The following MRPS16 variants were observed in gnomAD, a reference collection of about 807,000 sequenced individuals.
MRPS16 encodes mitochondrial ribosomal protein S16.
Under a neutral mutation model 11.0 loss-of-function variants are expected in MRPS16, and 5 were observed. That is an observed-to-expected ratio of 0.46 (90% confidence interval 0.24 to 0.96). The LOEUF is 0.96. Ranked by LOEUF, MRPS16 falls within the 40% of genes least tolerant of loss-of-function variation. MRPS16 has a pLI of 0.20. For missense variants in MRPS16, 179 were observed against 174.4 expected (o/e 1.03, Z -0.15); for synonymous variants, 76 against 65.0 (o/e 1.17, Z -0.81).
rs141474741 is a variant in MRPS16 at position 73,250,934 on chromosome 10, C to G, written c.332G>C (p.Arg111Pro). Reference protein sequence around the residue: ...PMMITNAERLRRKRAREVLLA... With the variant: ...PMMITNAERLPRKRAREVLLA... ...CAGGACTTCACGTGCCCGTTTCCTT[C>G]GCAGTCTCTCAGCATTTGTGATCAT... The change falls in exon 3 of 3, where the codon CGA (arginine) becomes CCA (proline). Residue 111 changes from arginine to proline, a missense_variant. Arg to Pro is a moderately radical substitution (Grantham distance 103, BLOSUM62 -2). Transcript: ENST00000372945. The G allele has an allele frequency of 1.2e-6, 2 of 1,614,174 alleles. No homozygotes were observed. The highest frequency in any genetic ancestry group is 1.3e-5 in the African/African-American group (1 of 75,044).
chr10:73,252,233 G>C, intron 1 of MRPS16: 4 of 1,007,544 alleles, frequency 4.0e-6, no homozygotes, highest in Non-Finnish European at 5.9e-6. Context: ...CCCCGCATGG[G>C]CTTGCCATTC....
rs1408904732 is a variant in MRPS16, at chr10:73,249,917, AC to A, written c.*934del. 1 of 151,414 alleles carries A rather than the reference AC, an allele frequency of 6.6e-6. No individual in the cohort carries two copies. The highest frequency in any genetic ancestry group is 2.4e-5 in the African/African-American group (1 of 41,386). The allele number at this position is 151,414 out of a possible 1,614,324, so 9.4% of individuals were successfully genotyped here. A position where few individuals can be genotyped will look rare whatever the true frequency, so the allele number is the denominator to read the frequency against. On this transcript the variant is annotated 3_prime_UTR_variant, in exon 3 of 3. Transcript: ENST00000372945. ...GTGAAACCCCATCTCTACTAAAAAT[AC>A]AAAAATTTGCCCGGGCGGTGGCTCA... is the stretch of plus-strand genomic sequence containing the variant.
intron 2 of MRPS16, among the ~76,000 whole-genome samples, chr10:73,251,364 G>A (rs2044091374): frequency 6.6e-6 from 1 of 151,622 alleles, no homozygotes; most frequent in Non-Finnish European, 1.5e-5. Flanking sequence ...AGCCTAGAGG[G>A]AATGAAATAA....
In MRPS16 at chr10:73,249,122, T is replaced by C. The variant is rs2044051731; in HGVS notation, c.*1730A>G. On this transcript the variant is annotated 3_prime_UTR_variant, in exon 3 of 3. Transcript: ENST00000372945. ...TTTGTAGAGACGGGGTCTTGCTGTG[T>C]TGCACAGGCTGGTCTCAAACTCTGG... The C allele has an allele frequency of 4.6e-6, 3 of 654,058 alleles. No individual in the cohort carries two copies. The highest frequency in any genetic ancestry group is 5.4e-5 in the Admixed American group (2 of 36,918). 40.5% of individuals were successfully genotyped at this position (654,058 alleles called of 1,614,324 possible).
chr10:73,252,365 G>C (rs752601870), intron 1 of MRPS16, 105 bp downstream of exon 1: 315 of 1,508,626 alleles, frequency 2.1e-4, no homozygotes, highest in Non-Finnish European at 2.7e-4. Flanking sequence ...GGCTGCTTCA[G>C]GTTCGGGTTG....
intron 2 of MRPS16, 120 bp from the exon 3 acceptor site, chr10:73,251,111 C>T: frequency 8.5e-7 from 1 of 1,179,352 alleles, no homozygotes. Context: ...AAACCATGCT[C>T]CTCACTTGCC....
chr10:73,252,104 C>T (rs1206084888), intron 1 of MRPS16, 81 bp from the exon 2 acceptor site: 2 of 1,531,688 alleles, frequency 1.3e-6, no homozygotes, highest in African/African-American at 1.4e-5. Context: ...TCCCTTTTCC[C>T]ACTGAAATGT....
At chr10:73,251,130 T>A in intron 2 of MRPS16, 139 bp from the exon 3 acceptor site, 1 of 960,168 alleles carries the variant, frequency 1.0e-6, no homozygotes, top group Non-Finnish European at 1.6e-6. Context: ...CCAAACTCTG[T>A]ACTACTTCTC....
rs1288634214 is a variant in MRPS16, at chr10:73,249,272, C to T, written c.*1580G>A. 3 of 1,548,690 alleles carry T rather than the reference C, an allele frequency of 1.9e-6. No homozygotes were observed. Among genetic ancestry groups the T allele is most frequent in the Admixed American group, 3.9e-5 (2 of 50,858 alleles). On this transcript the variant is annotated 3_prime_UTR_variant, in exon 3 of 3. Coordinates refer to ENST00000372945, the MANE Select transcript of MRPS16 (RefSeq NM_016065.4). ...ACTTCAAATTCTTGATGTTGAATTT[C>T]ATCTCACTGACTTCAGGCTTTTAAA... is the stretch of plus-strand genomic sequence containing the variant.
At chr10:73,251,063 A>G in intron 2 of MRPS16, 72 bp from the exon 3 acceptor site, 1 of 1,568,364 alleles carries the variant, frequency 6.4e-7, no homozygotes, top group Non-Finnish European at 8.8e-7. Context: ...TCTGTCTCAC[A>G]GAACTGAGGT....
intron 2 of MRPS16, 109 bp from the exon 3 acceptor site, chr10:73,251,100 C>G: frequency 7.8e-7 from 1 of 1,282,414 alleles, no homozygotes; most frequent in South Asian, 1.2e-5. Flanking sequence ...TGCATGGATG[C>G]AAACCATGCT....
In MRPS16 at chr10:73,249,558, C is replaced by A. The variant is rs558115305; in HGVS notation, c.*1294G>T. On this transcript the variant is annotated 3_prime_UTR_variant, in exon 3 of 3. Transcript: ENST00000372945. ...AAATTACCAGCAAGAAAGAAAAGTA[C>A]AAGAATAAGGTTCACAGCTGAATTG... 2.6e-5 allele frequency: 13 copies of A among 505,898 alleles called. No homozygotes were observed. Among genetic ancestry groups the A allele is most frequent in the African/African-American group, 2.1e-4 (11 of 51,514 alleles). 31.3% of individuals were successfully genotyped at this position (505,898 alleles called of 1,614,324 possible). A position where few individuals can be genotyped will look rare whatever the true frequency, so the allele number is the denominator to read the frequency against.
At chr10:73,252,130 T>C in intron 1 of MRPS16, 107 bp from the exon 2 acceptor site, 1 of 1,466,010 alleles carries the variant, frequency 6.8e-7, no homozygotes, top group Non-Finnish European at 9.3e-7. Flanking sequence ...TTCCAATCCA[T>C]TCCTGTCAAT....
At position 73,249,746 on chromosome 10, in the gene MRPS16, A is replaced by G. The variant is rs2044059347; in HGVS notation, c.*1106T>C. On this transcript the variant is annotated 3_prime_UTR_variant, in exon 3 of 3. Coordinates refer to ENST00000372945, the MANE Select transcript of MRPS16 (RefSeq NM_016065.4). ...AAAAGGTAGGTTATTAGAGCCCCAA[A>G]GCAATTTTCATAACAAATCTACCTT... The G allele has an allele frequency of 6.3e-6, 1 of 158,178 alleles. No individual in the cohort carries two copies. Among genetic ancestry groups the G allele is most frequent in the South Asian group, 1.9e-4 (1 of 5,388 alleles). 9.8% of individuals were successfully genotyped at this position (158,178 alleles called of 1,614,324 possible).
chr10:73,252,584 C>G lies in MRPS16; in HGVS notation c.-102G>C. 2 of 1,512,750 alleles carry G rather than the reference C, an allele frequency of 1.3e-6. No individual in the cohort carries two copies. Among genetic ancestry groups the G allele is most frequent in the Admixed American group, 1.9e-5 (1 of 52,404 alleles). 93.7% of individuals were successfully genotyped at this position (1,512,750 alleles called of 1,614,324 possible). ...AACAAACACAGAAAGAACCTGCAAG[C>G]CGACACCAGGCCGCACCGCCAAGCG... On this transcript the variant is annotated 5_prime_UTR_variant, in exon 1 of 3. Transcript: ENST00000372945.
In MRPS16 at chr10:73,251,835, G is replaced by C; in HGVS notation, c.202C>G (p.Leu68Val). Residue 68 changes from leucine (L) to valine (V), a missense_variant, in exon 2 of 3, where the codon CTC becomes GTC. Physicochemically the swap from Leu to Val is conservative, Grantham distance 32. Transcript: ENST00000372945. The stretch of plus-strand genomic sequence containing the variant: ...CAATGACGGATCCTGTCTAGGTTGA[G>C]GGCAACGAGTTTTTCTCCATGACTG... The part of the protein sequence containing the change: ...PNSHGEKLVA[L>V]NLDRIRHWIG... 6.2e-7 allele frequency: 1 copy of C among 1,614,212 alleles called. No homozygotes were observed. The highest frequency in any genetic ancestry group is 8.5e-7 in the Non-Finnish European group (1 of 1,180,034).
At chr10:73,251,641 A>T in intron 2 of MRPS16, 122 bp downstream of exon 2, 1 of 1,412,480 alleles carries the variant, frequency 7.1e-7, no homozygotes, top group East Asian at 2.3e-5. Context: ...TCGGCCTCCC[A>T]AAGCGCTGAG....
chr10:73,250,684 C>A lies in MRPS16; in HGVS notation c.*168G>T, dbSNP rs970787503. 1.1e-6 allele frequency: 1 copy of A among 905,206 alleles called. No individual in the cohort carries two copies. The highest frequency in any genetic ancestry group is 1.4e-5 in the South Asian group (1 of 69,910). The allele number at this position is 905,206 out of a possible 1,614,324, so 56.1% of individuals were successfully genotyped here. On this transcript the variant is annotated 3_prime_UTR_variant, in exon 3 of 3. Coordinates refer to ENST00000372945, the MANE Select transcript of MRPS16 (RefSeq NM_016065.4). ...TACCCACACCCAGCTCTAAGTCACA[C>A]AAGAACAAATCTCTCCCTGGGCCCT...
chr10:73,252,196 A>G (rs539474379), intron 1 of MRPS16, 173 bp from the exon 2 acceptor site: 23 of 1,127,742 alleles, frequency 2.0e-5, no homozygotes, highest in East Asian at 1.0e-4. Context: ...CCAGCCAGCA[A>G]TGACCTCCTC....
Sources: allele counts gnomAD v4.1 joint callset (sites outside exome capture counted in the v4.1 genomes callset), GRCh38; gene constraint gnomAD v4.1.1; transcripts MANE v1.5; gene names NCBI Gene and HGNC (gene_info 2026-07-23, HGNC 2026-07-21).